The following CBFB variants were observed in gnomAD, a reference collection of about 807,000 sequenced individuals.
CBFB encodes CBF-beta.
Under a neutral mutation model 30.4 loss-of-function variants are expected in CBFB, and 9 were observed. The ratio of observed to expected loss-of-function variants is 0.30; its 90% CI spans 0.18 to 0.52. The LOEUF is 0.52. Among genes scored for constraint, CBFB ranks in the 20% least tolerant of loss-of-function variants. The pLI, the probability that CBFB is intolerant of heterozygous loss-of-function variation, is 0.97. For missense variants in CBFB, 170 were observed against 244.0 expected (o/e 0.70, Z 2.02); for synonymous variants, 94 against 84.0 (o/e 1.12, Z -0.65).
intron 4 of CBFB, chr16:67,067,004 G>A (rs1436982948): frequency 5.1e-6 from 2 of 388,562 alleles, no homozygotes; most frequent in African/African-American, 4.1e-5. Context: ...AATTTCATGG[G>A]TTATTCGTAT....
At chr16:67,040,897 G>C (rs2145719107) in intron 3 of CBFB, among the ~76,000 whole-genome samples, 1 of 152,242 alleles carries the variant, frequency 6.6e-6, no homozygotes, top group South Asian at 2.1e-4. Flanking sequence ...AGATGTTCCG[G>C]ACAAAGGAAA....
rs548998539 is a variant in CBFB, at chr16:67,095,247, G to A, written c.496-3463G>A. 5.4e-5 allele frequency among the ~76,000 whole-genome samples: 8 copies of A among 147,090 alleles called. No homozygotes were observed. In the East Asian group the frequency reaches 1.4e-3, roughly 26 times the overall value. ...AAAAAAAAAAAAAAAGGCTGGGCACGGTGGCTCACGCCTGTAATCCCAACA... is the reference window on the plus strand; with the variant it reads ...AAAAAAAAAAAAAAAGGCTGGGCACAGTGGCTCACGCCTGTAATCCCAACA... On this transcript the variant is annotated intron_variant, in intron 5 of 5. Transcript: ENST00000412916.
intron 5 of CBFB, among the ~76,000 whole-genome samples, chr16:67,092,714 T>C (rs1047493772): frequency 2.0e-4 from 26 of 129,838 alleles, no homozygotes; most frequent in African/African-American, 7.4e-4. Context: ...TTTTTTTTTT[T>C]TTTTTTTTTT....
intron 2 of CBFB, among the ~76,000 whole-genome samples, chr16:67,034,929 A>G (rs1966415465): frequency 6.6e-6 from 1 of 152,208 alleles, no homozygotes; most frequent in Non-Finnish European, 1.5e-5. Flanking sequence ...TACTGTTTTA[A>G]GCACTTTACA....
At chr16:67,059,832 A>G (rs1228874276) in intron 3 of CBFB, among the ~76,000 whole-genome samples, 1 of 152,144 alleles carries the variant, frequency 6.6e-6, no homozygotes, top group African/African-American at 2.4e-5. Context: ...TGCCAGATTT[A>G]TAACAGCCCG....
At chr16:67,083,328 C>G (rs1021428480) in intron 5 of CBFB, among the ~76,000 whole-genome samples, 2 of 149,106 alleles carry the variant, frequency 1.3e-5, no homozygotes. Flanking sequence ...TGGAGTCTTG[C>G]TCTGTCGCCC....
intron 3 of CBFB, among the ~76,000 whole-genome samples, chr16:67,063,791 A>G (rs1377838929): frequency 6.6e-6 from 1 of 152,124 alleles, no homozygotes; most frequent in Non-Finnish European, 1.5e-5. Flanking sequence ...TTTTTTTATC[A>G]TGTTTATAAT....
intron 4 of CBFB, among the ~76,000 whole-genome samples, chr16:67,071,302 C>G (rs1961216804): frequency 6.6e-6 from 1 of 152,096 alleles, no homozygotes; most frequent in Non-Finnish European, 1.5e-5. Context: ...AGCCCTACTC[C>G]CGTTGTTACT....
chr16:67,059,976 C>CT lies in CBFB; in HGVS notation c.283-6693dup, dbSNP rs370856366. 6.5e-3 allele frequency among the ~76,000 whole-genome samples: 862 copies of CT among 132,880 alleles called. 4 individuals carry two copies. The highest frequency in any genetic ancestry group is 0.015 in the South Asian group (69 of 4,550). The allele number at this position is 132,880 out of a possible 152,430, so 87.2% of individuals were successfully genotyped here. ...CTTTTAATTCTTTCTTTCTTTCTTT[C>CT]TTTTTTTTTTTTTGTTGAGACAGAG... On this transcript the variant is annotated intron_variant, in intron 3 of 5. Transcript: ENST00000412916.
At chr16:67,050,345 T>C (rs1488501465) in intron 3 of CBFB, among the ~76,000 whole-genome samples, 1 of 150,226 alleles carries the variant, frequency 6.7e-6, no homozygotes, top group Admixed American at 6.7e-5. Context: ...TATGTATATA[T>C]AACGTTCTAA....
At chr16:67,082,649 A>G (rs969105361) in intron 5 of CBFB, among the ~76,000 whole-genome samples, 1 of 152,092 alleles carries the variant, frequency 6.6e-6, no homozygotes, top group African/African-American at 2.4e-5. Flanking sequence ...AACAGATTGC[A>G]TATTTTTAGA....
chr16:67,035,716 A>G (rs2145711762), intron 2 of CBFB, among the ~76,000 whole-genome samples: 1 of 152,344 alleles, frequency 6.6e-6, no homozygotes, highest in Non-Finnish European at 1.5e-5. Context: ...ATGCTTCAGA[A>G]CTTAATTAGT....
chr16:67,033,379 A>G (rs1467147682), intron 2 of CBFB, among the ~76,000 whole-genome samples: 2 of 151,004 alleles, frequency 1.3e-5, no homozygotes, highest in African/African-American at 2.4e-5. Flanking sequence ...TTACTCTGTC[A>G]CTCTGGCTGG....
At position 67,100,459 on chromosome 16, in the gene CBFB, C is replaced by G. The variant is rs1244420011; in HGVS notation, c.*1681C>G. On this transcript the variant is annotated 3_prime_UTR_variant, in exon 6 of 6. Transcript: ENST00000412916. ...ATGCGTCATTAAAGGCCATGCTGAT[C>G]TTGCATAACTATAAGTACTATGAAT... The G allele has an allele frequency of 4.4e-6, 1 of 226,848 alleles. No individual in the cohort carries two copies. Among genetic ancestry groups the G allele is most frequent in the South Asian group, 1.8e-4 (1 of 5,470 alleles). 14.1% of individuals were successfully genotyped at this position (226,848 alleles called of 1,614,324 possible). A position where few individuals can be genotyped will look rare whatever the true frequency, so the allele number is the denominator to read the frequency against.
intron 2 of CBFB, among the ~76,000 whole-genome samples, chr16:67,031,676 A>G (rs1011527422): frequency 6.6e-6 from 1 of 151,322 alleles, no homozygotes; most frequent in Non-Finnish European, 1.5e-5. Flanking sequence ...ACGCCCGGCT[A>G]ATTTTTTTGT....
intron 4 of CBFB, among the ~76,000 whole-genome samples, chr16:67,068,141 G>A (rs190157347): frequency 5.3e-5 from 8 of 152,272 alleles, no homozygotes; most frequent in Non-Finnish European, 5.9e-5. Context: ...ATTGGCTGAC[G>A]GCTGAACTAT....
intron 3 of CBFB, 90 bp downstream of exon 3, chr16:67,036,845 C>G (rs1966447426): frequency 2.6e-6 from 2 of 773,716 alleles, no homozygotes; most frequent in African/African-American, 1.7e-5. Flanking sequence ...GATCACAGAT[C>G]TGATTATACC....
chr16:67,072,919 G>A (rs913819390), intron 4 of CBFB, among the ~76,000 whole-genome samples: 4 of 151,896 alleles, frequency 2.6e-5, no homozygotes, highest in Non-Finnish European at 5.9e-5. Flanking sequence ...TACCATGTTG[G>A]CCAGGCTGGT....
At chr16:67,073,178 C>G (rs1961282435) in intron 4 of CBFB, among the ~76,000 whole-genome samples, 1 of 152,238 alleles carries the variant, frequency 6.6e-6, no homozygotes. Context: ...AAACTAAGAG[C>G]TAAATGGAAG....
Sources: gnomAD v4.1 joint callset for allele counts (sites outside exome capture counted in the v4.1 genomes callset) on GRCh38, gnomAD v4.1.1 for gene constraint, MANE v1.5 for transcripts, NCBI Gene and HGNC (gene_info 2026-07-23, HGNC 2026-07-21) for gene names.